The following KIAA1217 variants were observed in gnomAD, a reference collection of about 807,000 sequenced individuals.
KIAA1217 encodes the protein KIAA1217.
KIAA1217 carries 88 observed loss-of-function variants against 163.9 expected under a neutral mutation model. The observed-to-expected ratio is 0.54, with a 90% CI of 0.45 to 0.64. KIAA1217 has a LOEUF of 0.64. Among genes scored for constraint, KIAA1217 ranks in the 30% least tolerant of loss-of-function variants. The pLI, the probability that KIAA1217 is intolerant of heterozygous loss-of-function variation, is 0.00. For synonymous variants in KIAA1217, 903 were observed against 923.1 expected, an observed-to-expected ratio of 0.98 and a Z score of 0.39; for missense variants, 2,372 against 2,475.0, an observed-to-expected ratio of 0.96 and a Z score of 0.88.
At chr10:23,771,273 A>C (rs758325413) in intron 1 of KIAA1217, among the ~76,000 whole-genome samples, 1 of 152,314 alleles carries the variant, frequency 6.6e-6, no homozygotes, top group Non-Finnish European at 1.5e-5. Flanking sequence ...TCTTCCTTAC[A>C]TAGGGAGCTT....
At chr10:24,129,636 C>A (rs1251004190) in intron 2 of KIAA1217, among the ~76,000 whole-genome samples, 5 of 151,986 alleles carry the variant, frequency 3.3e-5, no homozygotes, top group Admixed American at 1.3e-4. Context: ...CTGTATGACA[C>A]CTCCCTACCA....
At chr10:23,818,008 T>TATATAC (rs1415893173) in intron 1 of KIAA1217, among the ~76,000 whole-genome samples, 5 of 87,258 alleles carry the variant, frequency 5.7e-5, no homozygotes, top group Admixed American at 1.3e-4. Context: ...TATATATATA[T>TATATAC]ACACACATAT....
intron 1 of KIAA1217, among the ~76,000 whole-genome samples, chr10:23,994,529 T>A (rs1158512140): frequency 6.8e-6 from 1 of 147,898 alleles, no homozygotes; most frequent in African/African-American, 2.7e-5. Flanking sequence ...GGACAGAAAG[T>A]CAAGGAGAGT....
intron 1 of KIAA1217, among the ~76,000 whole-genome samples, chr10:23,968,184 G>T (rs1220571617): frequency 3.9e-5 from 6 of 152,062 alleles, no homozygotes; most frequent in African/African-American, 1.4e-4. Flanking sequence ...ATATGTATGT[G>T]CATATATAAA....
intron 2 of KIAA1217, among the ~76,000 whole-genome samples, chr10:24,109,380 G>A (rs770683991): frequency 1.3e-5 from 2 of 150,808 alleles, no homozygotes; most frequent in African/African-American, 2.5e-5. Flanking sequence ...TTGAACTGTG[G>A]TCTCTTTTTT....
intron 2 of KIAA1217, among the ~76,000 whole-genome samples, chr10:24,315,459 A>G (rs1301079855): frequency 6.6e-6 from 1 of 152,192 alleles, no homozygotes; most frequent in Admixed American, 6.5e-5. Flanking sequence ...ACAAACAGCA[A>G]TTTTGTGTTT....
At chr10:24,526,726 G>A (rs1352318411) in intron 13 of KIAA1217, among the ~76,000 whole-genome samples, 2 of 152,054 alleles carry the variant, frequency 1.3e-5, no homozygotes, top group Non-Finnish European at 2.9e-5. Flanking sequence ...TCGTAGGCTC[G>A]GGGGAAAGCC....
intron 2 of KIAA1217, among the ~76,000 whole-genome samples, chr10:24,122,696 G>A (rs1167817553): frequency 1.3e-5 from 2 of 152,056 alleles, no homozygotes; most frequent in African/African-American, 4.8e-5. Context: ...AATGATTTAT[G>A]AAACTTCACT....
chr10:23,982,574 T>TCTCTCTCTCC (rs1203100982), intron 1 of KIAA1217, among the ~76,000 whole-genome samples: 1 of 142,040 alleles, frequency 7.0e-6, no homozygotes, highest in African/African-American at 2.7e-5. Flanking sequence ...TCTCTCTCTC[T>TCTCTCTCTCC]CTCTCTCGGC....
intron 1 of KIAA1217, among the ~76,000 whole-genome samples, chr10:23,875,142 C>A (rs560329825): frequency 6.6e-6 from 1 of 152,052 alleles, no homozygotes; most frequent in South Asian, 2.1e-4. Flanking sequence ...CTTCCATGAC[C>A]CAAATACCTT....
intron 13 of KIAA1217, among the ~76,000 whole-genome samples, chr10:24,527,374 C>A (rs2072356681): frequency 6.9e-6 from 1 of 144,006 alleles, no homozygotes; most frequent in Non-Finnish European, 1.5e-5. Context: ...TAGGCATGAG[C>A]CACCATGCCC....
chr10:23,748,324 G>T (rs1376811739), intron 1 of KIAA1217, among the ~76,000 whole-genome samples: 1 of 151,656 alleles, frequency 6.6e-6, no homozygotes, highest in Non-Finnish European at 1.5e-5. Flanking sequence ...TAATTTTCTA[G>T]CAGCCTTCCG....
chr10:24,265,330 A>G (rs2076134208), intron 2 of KIAA1217, among the ~76,000 whole-genome samples: 1 of 152,198 alleles, frequency 6.6e-6, no homozygotes, highest in African/African-American at 2.4e-5. Context: ...TAATGCCACC[A>G]TGTATGTATG....
At chr10:23,815,790 G>T (rs1837289730) in intron 1 of KIAA1217, among the ~76,000 whole-genome samples, 1 of 152,114 alleles carries the variant, frequency 6.6e-6, no homozygotes. Flanking sequence ...AAATGTTATT[G>T]TCCCAAGGTA....
At chr10:24,506,690 G>A (rs1239589162) in intron 9 of KIAA1217, among the ~76,000 whole-genome samples, 1 of 152,124 alleles carries the variant, frequency 6.6e-6, no homozygotes, top group African/African-American at 2.4e-5. Flanking sequence ...TTAGGAGAAT[G>A]GGGGGAAAAA....
chr10:24,447,942 C>T (rs1176022960), intron 5 of KIAA1217, among the ~76,000 whole-genome samples: 1 of 152,002 alleles, frequency 6.6e-6, no homozygotes, highest in Non-Finnish European at 1.5e-5. Context: ...CCATCCTGGC[C>T]AAGATGGTGA....
chr10:24,018,935 G>T (rs969925997), intron 2 of KIAA1217, among the ~76,000 whole-genome samples: 3 of 152,094 alleles, frequency 2.0e-5, no homozygotes, highest in African/African-American at 7.2e-5. Flanking sequence ...TATGGCAAGT[G>T]AAATAAACCT....
At chr10:23,993,925 C>T (rs906513883) in intron 1 of KIAA1217, among the ~76,000 whole-genome samples, 2 of 151,960 alleles carry the variant, frequency 1.3e-5, no homozygotes, top group East Asian at 3.9e-4. Context: ...TGAGTCTTCC[C>T]GGTGTGCCTA....
chr10:23,915,579 T>C (rs933281198), intron 1 of KIAA1217, among the ~76,000 whole-genome samples: 1 of 152,152 alleles, frequency 6.6e-6, no homozygotes, highest in African/African-American at 2.4e-5. Context: ...CAAGATACCA[T>C]GTGCATGCTA....
Sources: gnomAD v4.1 joint callset for allele counts (sites outside exome capture counted in the v4.1 genomes callset) on GRCh38, gnomAD v4.1.1 for gene constraint, MANE v1.5 for transcripts, NCBI Gene and HGNC (gene_info 2026-07-23, HGNC 2026-07-21) for gene names.